The following RNF220 variants were observed in gnomAD, a reference collection of about 807,000 sequenced individuals.
RNF220 encodes the protein E3 ubiquitin-protein ligase RNF220.
Under a neutral mutation model 67.1 loss-of-function variants are expected in RNF220, and 7 were observed. The ratio of observed to expected loss-of-function variants is 0.10; its 90% CI spans 0.06 to 0.20. The LOEUF is 0.20. Among genes scored for constraint, RNF220 ranks in the 10% least tolerant of loss-of-function variants. RNF220 has a pLI of 1.00. For missense variants in RNF220, 565 were observed against 740.3 expected, an observed-to-expected ratio of 0.76 and a Z score of 2.75; for synonymous variants, 270 against 283.2, an observed-to-expected ratio of 0.95 and a Z score of 0.47.
intron 2 of RNF220, among the ~76,000 whole-genome samples, chr1:44,442,699 T>G (rs560195194): frequency 6.6e-6 from 1 of 152,146 alleles, no homozygotes; most frequent in Non-Finnish European, 1.5e-5. Flanking sequence ...GTATTTTTAG[T>G]AGAGACAGGA....
chr1:44,515,525 C>A (rs886762841), intron 2 of RNF220, among the ~76,000 whole-genome samples: 1 of 152,130 alleles, frequency 6.6e-6, no homozygotes, highest in African/African-American at 2.4e-5. Flanking sequence ...GTTTCAGAAC[C>A]ATTTATTTGT....
chr1:44,453,448 C>T (rs143055587), intron 2 of RNF220, among the ~76,000 whole-genome samples: 48 of 152,086 alleles, frequency 3.2e-4, no homozygotes, highest in East Asian at 1.9e-3. Context: ...ACTGGTTTTG[C>T]GAGAGTTTTA....
Position 44,405,377 on chromosome 1 carries a change from A to ACTACTG in RNF220, c.-269_-268insACTGCT. 1 of 611,358 alleles carries ACTACTG rather than the reference A, an allele frequency of 1.6e-6. No homozygotes were observed. The highest frequency in any genetic ancestry group is 2.9e-6 in the Non-Finnish European group (1 of 340,094). 37.9% of individuals were successfully genotyped at this position (611,358 alleles called of 1,614,324 possible). The stretch of plus-strand genomic sequence containing the variant: ...AACACAAACCCGGGGCCAGCCGCCT[A>ACTACTG]CTGCTGCTGCTGCTGCTGCCGCTGC... On this transcript the variant is annotated 5_prime_UTR_variant, in exon 1 of 15. Coordinates refer to ENST00000361799, the MANE Select transcript of RNF220 (RefSeq NM_018150.4).
intron 2 of RNF220, among the ~76,000 whole-genome samples, chr1:44,477,585 A>G (rs779581757): frequency 4.6e-5 from 7 of 152,248 alleles, no homozygotes; most frequent in Non-Finnish European, 8.8e-5. Context: ...TCCTTTGCAT[A>G]CAACAGCACT....
At chr1:44,540,324 G>A (rs272570) in intron 2 of RNF220, among the ~76,000 whole-genome samples, 26,231 of 151,964 alleles carry the variant, frequency 0.17, 3,064 homozygotes, top group East Asian at 0.44. Flanking sequence ...ACAGAATAAT[G>A]GGCTTCATGA....
At chr1:44,599,529 G>A (rs1424861594) in intron 2 of RNF220, among the ~76,000 whole-genome samples, 1 of 152,150 alleles carries the variant, frequency 6.6e-6, no homozygotes, top group Non-Finnish European at 1.5e-5. Context: ...GCTGGGCATG[G>A]TGGTGTGTGC....
chr1:44,567,206 C>G (rs966841637), intron 2 of RNF220, among the ~76,000 whole-genome samples: 1 of 151,946 alleles, frequency 6.6e-6, no homozygotes, highest in African/African-American at 2.4e-5. Context: ...GTTAGGGAAC[C>G]AGGAACAGTA....
chr1:44,543,456 C>T (rs929862952), intron 2 of RNF220, among the ~76,000 whole-genome samples: 6 of 151,960 alleles, frequency 3.9e-5, no homozygotes, highest in Admixed American at 3.9e-4. Flanking sequence ...CATGGCTTAC[C>T]GACGGGAGGT....
At chr1:44,500,362 G>A (rs1004436452) in intron 2 of RNF220, among the ~76,000 whole-genome samples, 5 of 152,136 alleles carry the variant, frequency 3.3e-5, no homozygotes, top group African/African-American at 1.2e-4. Flanking sequence ...AATTCTGCCT[G>A]TATCTGGAGA....
intron 3 of RNF220, among the ~76,000 whole-genome samples, chr1:44,618,938 A>G (rs891934005): frequency 2.0e-5 from 3 of 152,064 alleles, no homozygotes; most frequent in African/African-American, 7.2e-5. Flanking sequence ...TGGGAGAGTG[A>G]TGGTGGCAGA....
intron 2 of RNF220, among the ~76,000 whole-genome samples, chr1:44,552,134 C>T (rs1465787506): frequency 6.6e-6 from 1 of 152,218 alleles, no homozygotes; most frequent in Admixed American, 6.5e-5. Flanking sequence ...CAAAAAGGCT[C>T]CGCAGCAGGC....
At chr1:44,505,019 A>G (rs1041708746) in intron 2 of RNF220, among the ~76,000 whole-genome samples, 1 of 152,200 alleles carries the variant, frequency 6.6e-6, no homozygotes, top group Non-Finnish European at 1.5e-5. Context: ...ATAGCCAAGC[A>G]CTGTGCCCCT....
Position 44,626,336 on chromosome 1 carries a change from T to G in RNF220, c.844T>G (p.Ser282Ala). 1.2e-6 allele frequency: 2 copies of G among 1,613,088 alleles called. No individual in the cohort carries two copies. The highest frequency in any genetic ancestry group is 1.7e-6 in the Non-Finnish European group (2 of 1,179,742). ...TGCTTCCATCAAGAGGGAAGGAGAG[T>G]CTCCAACGGCATCACCCCACTCATC... ...LSASIKREGESPTASPHSSAT... is the reference protein window; with the variant it reads ...LSASIKREGEAPTASPHSSAT... Residue 282 changes from serine to alanine, a missense_variant, in exon 5 of 15, where the codon TCT (serine) becomes GCT (alanine). Transcript: ENST00000361799.
chr1:44,523,777 C>G (rs1021770413), intron 2 of RNF220, among the ~76,000 whole-genome samples: 6 of 152,310 alleles, frequency 3.9e-5, no homozygotes, highest in South Asian at 2.1e-4. Flanking sequence ...CCAAGAGGAT[C>G]CATTGGTCAT....
intron 2 of RNF220, among the ~76,000 whole-genome samples, chr1:44,517,456 T>C (rs988436581): frequency 6.6e-6 from 1 of 152,200 alleles, no homozygotes; most frequent in Non-Finnish European, 1.5e-5. Context: ...TCACCTGTTT[T>C]TTTCTTTCTT....
chr1:44,630,122 G>A (rs58860228), intron 5 of RNF220, among the ~76,000 whole-genome samples: 2,855 of 152,240 alleles, frequency 0.019, 88 homozygotes, highest in African/African-American at 0.065. Context: ...GTTTTTCATA[G>A]AGACAGGGTC....
Position 44,542,566 on chromosome 1 carries a change from G to C in RNF220, c.626-71599G>C, listed in dbSNP as rs182705993. Among the ~76,000 whole-genome samples the C allele has an allele frequency of 1.2e-3, 176 of 152,296 alleles. 1 individual carries two copies. The South Asian group carries it at 0.012, about 10-fold the overall frequency. ...TTTTCCCTCCACAGCGTGTCCCCAG[G>C]GGGGAGCTAGGGTTCCAGGAAGAGA... On this transcript the variant is annotated intron_variant, in intron 2 of 14. Coordinates refer to ENST00000361799, the MANE Select transcript of RNF220 (RefSeq NM_018150.4).
At chr1:44,416,035 T>TGATTCTG (rs1307295791) in intron 2 of RNF220, among the ~76,000 whole-genome samples, 1 of 152,244 alleles carries the variant, frequency 6.6e-6, no homozygotes, top group Non-Finnish European at 1.5e-5. Flanking sequence ...TCCTGATAGA[T>TGATTCTG]GATTCTGGTT....
At chr1:44,552,156 G>C (rs1350471718) in intron 2 of RNF220, among the ~76,000 whole-genome samples, 1 of 152,176 alleles carries the variant, frequency 6.6e-6, no homozygotes, top group East Asian at 1.9e-4. Context: ...CAGAACTTGT[G>C]AGCAGGAAAA....
Sources: gnomAD v4.1 joint callset for allele counts (sites outside exome capture counted in the v4.1 genomes callset) on GRCh38, gnomAD v4.1.1 for gene constraint, MANE v1.5 for transcripts, NCBI Gene and HGNC (gene_info 2026-07-23, HGNC 2026-07-21) for gene names.